Variants in CTCF observed in about 807,000 individuals in gnomAD.
The protein encoded by CTCF is transcriptional repressor CTCF.
In CTCF, 7 loss-of-function variants were observed where a neutral mutation model predicts 72.3. That is an observed-to-expected ratio of 0.10 (90% CI 0.06 to 0.18). The LOEUF (loss-of-function observed/expected upper bound fraction) is 0.18, where lower values mean the gene tolerates loss of function less well. CTCF is among the 10% of genes least tolerant of loss of function. The pLI is 1.00. For missense variants in CTCF, 516 were observed against 949.1 expected (o/e 0.54, Z 6.00); for synonymous variants, 374 against 315.8 (o/e 1.18, Z -1.95).
chr16:67,589,201 G>A (rs1034090141), intron 2 of CTCF, among the ~76,000 whole-genome samples: 1 of 152,046 alleles, frequency 6.6e-6, no homozygotes, highest in Non-Finnish European at 1.5e-5. Flanking sequence ...GGAGGCTGAG[G>A]CAAGAGAGGC....
chr16:67,609,624 CTT>C (rs921342687), intron 2 of CTCF, among the ~76,000 whole-genome samples: 18 of 135,376 alleles, frequency 1.3e-4, no homozygotes, highest in Middle Eastern at 3.8e-3. Context: ...CCTGATAATT[CTT>C]TTTTTTTTTT....
intron 2 of CTCF, among the ~76,000 whole-genome samples, chr16:67,593,230 T>A (rs576299417): frequency 6.6e-6 from 1 of 152,106 alleles, no homozygotes; most frequent in East Asian, 1.9e-4. Flanking sequence ...ATGTCCAAGT[T>A]TTTTTGTGTA....
At chr16:67,576,213 A>G (rs2051494523) in intron 2 of CTCF, among the ~76,000 whole-genome samples, 4 of 151,832 alleles carry the variant, frequency 2.6e-5, no homozygotes, top group African/African-American at 9.7e-5. Context: ...TTTTAATAGC[A>G]TAATACCAAA....
chr16:67,627,206 T>A (rs967070742), intron 8 of CTCF: 1 of 152,024 alleles, frequency 6.6e-6, no homozygotes, highest in South Asian at 2.1e-4. Flanking sequence ...AAGAAAAAAT[T>A]AGGGCCGGGC....
chr16:67,578,860 A>G (rs954272295), intron 2 of CTCF, among the ~76,000 whole-genome samples: 6 of 151,752 alleles, frequency 4.0e-5, no homozygotes, highest in African/African-American at 1.5e-4. Flanking sequence ...AGGCAGGAGA[A>G]TCGCTTCAAC....
At chr16:67,583,815 G>A (rs1296342567) in intron 2 of CTCF, among the ~76,000 whole-genome samples, 1 of 152,168 alleles carries the variant, frequency 6.6e-6, no homozygotes, top group Non-Finnish European at 1.5e-5. Flanking sequence ...AATGGAGGGA[G>A]AAAAGGGCAT....
intron 2 of CTCF, among the ~76,000 whole-genome samples, chr16:67,585,896 G>A (rs1309919649): frequency 6.6e-6 from 1 of 151,954 alleles, no homozygotes; most frequent in Admixed American, 6.6e-5. Flanking sequence ...CTGTCCCCCT[G>A]TTCAACAAAG....
intron 2 of CTCF, among the ~76,000 whole-genome samples, chr16:67,596,397 G>A (rs373346805): frequency 6.6e-6 from 1 of 151,888 alleles, no homozygotes; most frequent in African/African-American, 2.4e-5. Context: ...TCATCTATTT[G>A]TGTCCTTTGC....
intron 2 of CTCF, among the ~76,000 whole-genome samples, chr16:67,583,955 C>T (rs566722286): frequency 6.6e-6 from 1 of 152,188 alleles, no homozygotes; most frequent in South Asian, 2.1e-4. Context: ...GTGTGCATAG[C>T]GAAAACTAGG....
chr16:67,633,177 G>A (rs2052386213), intron 10 of CTCF, among the ~76,000 whole-genome samples: 1 of 152,202 alleles, frequency 6.6e-6, no homozygotes, highest in Admixed American at 6.5e-5. Flanking sequence ...TGTGATGTTT[G>A]CTATAAGTAA....
intron 2 of CTCF, among the ~76,000 whole-genome samples, chr16:67,579,901 C>T (rs1271188924): frequency 1.3e-5 from 2 of 152,042 alleles, no homozygotes; most frequent in African/African-American, 4.8e-5. Flanking sequence ...TGATTAGAGG[C>T]GAGTATGTCA....
rs1489170777 is a variant in CTCF at position 67,602,254 on chromosome 16, CA to C, written c.-9-8567del. Reference sequence around the variant, plus strand: ...TTCCGTTGTCTTCAAGTTGTAGCATCAAATTATATGCTACAAAATCCTGGAG... The same window carrying C: ...TTCCGTTGTCTTCAAGTTGTAGCATCAATTATATGCTACAAAATCCTGGAG... On this transcript the variant is annotated intron_variant, in intron 2 of 11. Coordinates refer to ENST00000264010, the MANE Select transcript of CTCF (RefSeq NM_006565.4). Among the ~76,000 whole-genome samples, 4 of 152,234 alleles carry C rather than the reference CA, an allele frequency of 2.6e-5. No homozygotes were observed. The East Asian group carries it at 7.7e-4, about 29-fold the overall frequency.
At chr16:67,613,922 C>T (rs923954785) in intron 4 of CTCF, among the ~76,000 whole-genome samples, 3 of 152,178 alleles carry the variant, frequency 2.0e-5, no homozygotes, top group Admixed American at 6.5e-5. Context: ...TTTGGCAAGA[C>T]TGATTCATAC....
chr16:67,608,944 T>G (rs1452551055), intron 2 of CTCF, among the ~76,000 whole-genome samples: 1 of 152,120 alleles, frequency 6.6e-6, no homozygotes. Context: ...TTTCTCCATG[T>G]TGTTCAGGGT....
intron 2 of CTCF, among the ~76,000 whole-genome samples, chr16:67,572,955 C>G (rs944316606): frequency 7.4e-6 from 1 of 134,526 alleles, no homozygotes; most frequent in Non-Finnish European, 1.6e-5. Context: ...CCGCCCCCCC[C>G]CCCAAAACAA....
At chr16:67,569,752 C>G (rs909714204) in intron 1 of CTCF, among the ~76,000 whole-genome samples, 4 of 151,190 alleles carry the variant, frequency 2.6e-5, no homozygotes, top group African/African-American at 7.3e-5. Flanking sequence ...GTGGCGCGAT[C>G]TCGGCTCATT....
chr16:67,569,376 G>A (rs2142709527), intron 1 of CTCF, among the ~76,000 whole-genome samples: 1 of 148,834 alleles, frequency 6.7e-6, no homozygotes, highest in Admixed American at 6.7e-5. Context: ...AGTAGAGACG[G>A]GGTTTCACTA....
intron 1 of CTCF, among the ~76,000 whole-genome samples, chr16:67,567,018 T>C (rs1324464146): frequency 6.6e-6 from 1 of 151,972 alleles, no homozygotes; most frequent in African/African-American, 2.4e-5. Flanking sequence ...TGGGACTAAT[T>C]TTTTCTAGGT....
chr16:67,595,063 A>G (rs1033312693), intron 2 of CTCF, among the ~76,000 whole-genome samples: 9 of 152,196 alleles, frequency 5.9e-5, no homozygotes, highest in South Asian at 4.1e-4. Flanking sequence ...GGGAGCTAAG[A>G]TGGAGAATTT....
Sources: allele counts gnomAD v4.1 joint callset (sites outside exome capture counted in the v4.1 genomes callset), GRCh38; gene constraint gnomAD v4.1.1; transcripts MANE v1.5; gene names NCBI Gene and HGNC (gene_info 2026-07-23, HGNC 2026-07-21).